The following FGF12 variants were observed in gnomAD, a reference collection of about 807,000 sequenced individuals.
FGF12 encodes the protein fibroblast growth factor 12.
FGF12 carries 14 observed loss-of-function variants against 23.6 expected under a neutral mutation model. The observed-to-expected ratio is 0.59, with a 90% CI of 0.39 to 0.93. FGF12 has a LOEUF of 0.93. Ranked by LOEUF, FGF12 falls within the 40% of genes least tolerant of loss-of-function variation. The pLI is 0.00. For synonymous variants in FGF12, 62 were observed against 77.3 expected, an observed-to-expected ratio of 0.80 and a Z score of 1.04; for missense variants, 175 against 217.8, an observed-to-expected ratio of 0.80 and a Z score of 1.24.
chr3:192,479,629 C>T (rs9877172), intron 2 of FGF12, among the ~76,000 whole-genome samples: 15,181 of 152,070 alleles, frequency 0.1, 2,459 homozygotes, highest in African/African-American at 0.34. Context: ...AGAAAAATAG[C>T]AGCATGAGTC....
chr3:192,572,930 T>C (rs1040262365), intron 2 of FGF12, among the ~76,000 whole-genome samples: 1 of 152,212 alleles, frequency 6.6e-6, no homozygotes, highest in East Asian at 1.9e-4. Context: ...ATAAAATAAA[T>C]ATTTAGTAAA....
intron 4 of FGF12, among the ~76,000 whole-genome samples, chr3:192,204,083 T>G (rs1344516706): frequency 6.6e-6 from 1 of 152,144 alleles, no homozygotes; most frequent in African/African-American, 2.4e-5. Flanking sequence ...CAATGATAGA[T>G]GGCAAATTTC....
At chr3:192,523,070 TTATA>T (rs995087389) in intron 2 of FGF12, among the ~76,000 whole-genome samples, 1 of 152,168 alleles carries the variant, frequency 6.6e-6, no homozygotes, top group African/African-American at 2.4e-5. Flanking sequence ...CAAAAATCAG[TTATA>T]TAAATTTGGC....
At chr3:192,522,676 CTA>C (rs1208719187) in intron 2 of FGF12, among the ~76,000 whole-genome samples, 1 of 152,180 alleles carries the variant, frequency 6.6e-6, no homozygotes, top group African/African-American at 2.4e-5. Context: ...GTTGATAACA[CTA>C]TTTGATAGTA....
At chr3:192,434,610 C>T (rs1721960222) in intron 2 of FGF12, among the ~76,000 whole-genome samples, 1 of 152,080 alleles carries the variant, frequency 6.6e-6, no homozygotes, top group Admixed American at 6.5e-5. Flanking sequence ...TGTGATCAAT[C>T]TTCATATGGA....
At chr3:192,287,633 T>A (rs1373712421) in intron 4 of FGF12, among the ~76,000 whole-genome samples, 1 of 151,974 alleles carries the variant, frequency 6.6e-6, no homozygotes, top group South Asian at 2.1e-4. Flanking sequence ...GGCAAATGAT[T>A]GCAAAACCTT....
chr3:192,484,514 C>T lies in FGF12; in HGVS notation c.14-123976G>A, dbSNP rs556856436. On this transcript the variant is annotated intron_variant, in intron 2 of 5. Transcript: ENST00000445105. ...TTCTACCTTATTATTCTATTATTGA[C>T]ATATTCATAATATACAGCAGTTAAC... 2.2e-4 allele frequency among the ~76,000 whole-genome samples: 33 copies of T among 152,180 alleles called. No homozygotes were observed. In the South Asian group the frequency reaches 6.6e-3, roughly 31 times the overall value.
intron 4 of FGF12, among the ~76,000 whole-genome samples, chr3:192,312,831 TA>T (rs1440437275): frequency 1.3e-5 from 2 of 152,120 alleles, no homozygotes; most frequent in Non-Finnish European, 2.9e-5. Flanking sequence ...CCTAACAATT[TA>T]AATATTTTAT....
intron 2 of FGF12, among the ~76,000 whole-genome samples, chr3:192,461,982 C>T (rs891828578): frequency 4.0e-5 from 6 of 150,572 alleles, no homozygotes; most frequent in African/African-American, 7.4e-5. Context: ...AAGAGCGAAA[C>T]TCTGTCACAA....
In FGF12 at chr3:192,408,085, C is replaced by G. The variant is rs376550930; in HGVS notation, c.14-47547G>C. ...CAGAAGCGCACTTTGCTGAACACCC[C>G]GAGGACGTGCCTCTCGCACAGGGAG... On this transcript the variant is annotated intron_variant, in intron 2 of 5. Coordinates refer to ENST00000445105, the MANE Select transcript of FGF12 (RefSeq NM_004113.6). This position sits in a 1 kb window ranked among gnomAD's most constrained non-coding sequence, Gnocchi z 7.3. 6.8e-5 allele frequency: 109 copies of G among 1,613,062 alleles called. No homozygotes were observed. The highest frequency in any genetic ancestry group is 1.5e-4 in the Admixed American group (9 of 60,004).
intron 5 of FGF12, among the ~76,000 whole-genome samples, chr3:192,159,318 T>A (rs1714731965): frequency 6.6e-6 from 1 of 152,194 alleles, no homozygotes; most frequent in Admixed American, 6.5e-5. Context: ...CAGTGTTGGA[T>A]ACAGTTAATT....
chr3:192,194,472 C>T (rs543247565), intron 4 of FGF12, among the ~76,000 whole-genome samples: 2 of 152,264 alleles, frequency 1.3e-5, no homozygotes, highest in South Asian at 4.1e-4. Context: ...TACCATAGAG[C>T]TATACATTCA....
chr3:192,369,635 TA>T lies in FGF12; in HGVS notation c.14-9098del, dbSNP rs367856210. Among the ~76,000 whole-genome samples, 438 of 152,332 alleles carry T rather than the reference TA, an allele frequency of 2.9e-3. 2 individuals are homozygous for T. The highest frequency in any genetic ancestry group is 4.4e-3 in the Non-Finnish European group (302 of 68,032). On this transcript the variant is annotated intron_variant, in intron 2 of 5. Transcript: ENST00000445105. ...TGTACTGAGCCAGTTTTATTCCTCA[TA>T]GCATTAGCCCCCTTCCTCCTAGATT... is the stretch of plus-strand genomic sequence containing the variant.
chr3:192,457,664 A>G (rs993146749), intron 2 of FGF12, among the ~76,000 whole-genome samples: 1 of 152,226 alleles, frequency 6.6e-6, no homozygotes, highest in Non-Finnish European at 1.5e-5. Flanking sequence ...TTTCGTTTTA[A>G]AAGGGAAACA....
At chr3:192,645,721 C>T (rs542911747) in intron 2 of FGF12, among the ~76,000 whole-genome samples, 27 of 140,332 alleles carry the variant, frequency 1.9e-4, no homozygotes, top group African/African-American at 5.6e-4. Flanking sequence ...TATTCTGTGC[C>T]AGAAACTGTT....
chr3:192,579,960 T>G (rs1713065474), intron 2 of FGF12, among the ~76,000 whole-genome samples: 1 of 152,188 alleles, frequency 6.6e-6, no homozygotes, highest in Admixed American at 6.5e-5. Context: ...GGTAACGTGC[T>G]TTTACTGAGG....
At chr3:192,640,132 A>T (rs779177331) in intron 2 of FGF12, among the ~76,000 whole-genome samples, 18 of 152,238 alleles carry the variant, frequency 1.2e-4, no homozygotes, top group South Asian at 4.1e-4. Context: ...GATCTGGAGG[A>T]TGTGGTACAA....
At chr3:192,601,694 G>A (rs949071844) in intron 2 of FGF12, among the ~76,000 whole-genome samples, 1 of 152,072 alleles carries the variant, frequency 6.6e-6, no homozygotes, top group Non-Finnish European at 1.5e-5. Flanking sequence ...GTATTCCTGG[G>A]GGACTGGTTC....
At chr3:192,703,366 T>TA (rs1198754856) in intron 2 of FGF12, among the ~76,000 whole-genome samples, 1 of 152,204 alleles carries the variant, frequency 6.6e-6, no homozygotes, top group African/African-American at 2.4e-5. Context: ...ACATCATTGC[T>TA]AAAAAATTGC....
Sources: allele counts gnomAD v4.1 joint callset (sites outside exome capture counted in the v4.1 genomes callset), GRCh38; gene constraint gnomAD v4.1.1; non-coding constraint Gnocchi (gnomAD v3.1); transcripts MANE v1.5; gene names NCBI Gene and HGNC (gene_info 2026-07-23, HGNC 2026-07-21).